The following THSD7A variants were observed in gnomAD, a reference collection of about 807,000 sequenced individuals.
The protein encoded by THSD7A is thrombospondin type-1 domain-containing protein 7A.
THSD7A carries 96 observed loss-of-function variants against 231.3 expected under a neutral mutation model. The observed-to-expected ratio is 0.41, with a 90% CI of 0.35 to 0.49. THSD7A has a LOEUF of 0.49. Among genes scored for constraint, THSD7A ranks in the 20% least tolerant of loss-of-function variants. The pLI is 0.05. For missense variants in THSD7A, 2,290 were observed against 2,070.2 expected (o/e 1.11, Z -2.06); for synonymous variants, 940 against 743.3 (o/e 1.26, Z -4.30).
intron 1 of THSD7A, among the ~76,000 whole-genome samples, chr7:11,760,792 G>A (rs1782831067): frequency 6.6e-6 from 1 of 151,750 alleles, no homozygotes; most frequent in Non-Finnish European, 1.5e-5. Context: ...AATAATTTGT[G>A]AGGTTTAAAT....
rs377687165 is a variant in THSD7A, at chr7:11,541,500, G to T, written c.1741C>A (p.Leu581Met). Residue 581 changes from leucine to methionine, a missense_variant, in exon 6 of 28, where the codon CTG becomes ATG. By Grantham distance (15) the Leu-to-Met change is conservative. Coordinates refer to ENST00000423059, the MANE Select transcript of THSD7A (RefSeq NM_015204.3). ...CCGTTATCTGGCTCGCAGTTTCCCA[G>T]TCTCACTGCTTTCCAGTCATAACAG... ...PACYDWKAVR[L>M]GNCEPDNGKE... 1.9e-6 allele frequency: 3 copies of T among 1,613,910 alleles called. No homozygotes were observed. The highest frequency in any genetic ancestry group is 2.5e-6 in the Non-Finnish European group (3 of 1,179,878).
intron 1 of THSD7A, among the ~76,000 whole-genome samples, chr7:11,686,639 C>T (rs1214089016): frequency 6.6e-6 from 1 of 151,844 alleles, no homozygotes; most frequent in African/African-American, 2.4e-5. Context: ...CACACTGTGG[C>T]ATACTACACA....
chr7:11,543,536 C>T (rs1219365433), intron 4 of THSD7A, among the ~76,000 whole-genome samples: 3 of 152,072 alleles, frequency 2.0e-5, no homozygotes, highest in Non-Finnish European at 4.4e-5. Context: ...AAAAAATGTC[C>T]ACTGAGTAGT....
Position 11,376,653 on chromosome 7 carries a change from C to A in THSD7A, c.4806G>T (p.Gly1602=). The A allele has an allele frequency of 6.4e-7, 1 of 1,572,482 alleles. No homozygotes were observed. The highest frequency in any genetic ancestry group is 2.3e-5 in the East Asian group (1 of 42,686). ...TWFLQPFGPD[G]RLKTWVYGVA... is the part of the protein sequence containing the mutation. ...CACCGTAAACCCAGGTCTTTAGTCT[C>A]CCATCTAAGAAGAATGGATATTAGT... Residue 1602 remains glycine, a synonymous_variant, in exon 27 of 28, where the codon GGG becomes GGT. Transcript: ENST00000423059.
rs150039221 is a variant in THSD7A at position 11,736,654 on chromosome 7, A to C, written c.190+95103T>G. ...TAAGGAAAACCATCATTTATGTTGA[A>C]ATGTAAAATAAAGGGCTAAGCATAC... On this transcript the variant is annotated intron_variant, in intron 1 of 27. Transcript: ENST00000423059. Among the ~76,000 whole-genome samples, 157 of 152,120 alleles carry C rather than the reference A, an allele frequency of 1.0e-3. 1 individual carries two copies. Among genetic ancestry groups the C allele is most frequent in the African/African-American group, 3.4e-3 (141 of 41,552 alleles).
At chr7:11,387,655 C>G (rs368489188) in intron 23 of THSD7A, among the ~76,000 whole-genome samples, 5 of 152,166 alleles carry the variant, frequency 3.3e-5, no homozygotes, top group African/African-American at 1.2e-4. Flanking sequence ...CATCTGCAAA[C>G]AGAGACAACT....
In THSD7A at chr7:11,761,285, G is replaced by A. The variant is rs540680617; in HGVS notation, c.190+70472C>T. Among the ~76,000 whole-genome samples the A allele has an allele frequency of 9.2e-5, 14 of 152,106 alleles. No individual in the cohort carries two copies. In the South Asian group the frequency reaches 2.9e-3, roughly 32 times the overall value. ...ATAAAAATCAATACTTCTTCTGTGG[G>A]AAAGGGAAATCCAACATCTGTTAAC... On this transcript the variant is annotated intron_variant, in intron 1 of 27. Transcript: ENST00000423059.
At chr7:11,497,097 G>A (rs911894433) in intron 6 of THSD7A, among the ~76,000 whole-genome samples, 2 of 152,166 alleles carry the variant, frequency 1.3e-5, no homozygotes, top group Non-Finnish European at 2.9e-5. Context: ...CATGGTGGAA[G>A]GGGAAGCAAA....
intron 6 of THSD7A, among the ~76,000 whole-genome samples, chr7:11,521,339 A>G (rs1788252777): frequency 6.6e-6 from 1 of 152,150 alleles, no homozygotes; most frequent in East Asian, 1.9e-4. Flanking sequence ...GTATATTTAC[A>G]AAGAACTTTG....
intron 2 of THSD7A, among the ~76,000 whole-genome samples, chr7:11,612,590 T>C (rs1255495431): frequency 2.0e-5 from 3 of 152,210 alleles, no homozygotes; most frequent in Non-Finnish European, 4.4e-5. Flanking sequence ...TAAATTCATG[T>C]ATACAAATTA....
At chr7:11,450,423 A>G (rs1470025491) in intron 11 of THSD7A, among the ~76,000 whole-genome samples, 3 of 152,048 alleles carry the variant, frequency 2.0e-5, no homozygotes, top group Non-Finnish European at 4.4e-5. Flanking sequence ...TAAATTACTC[A>G]TACAATGTTA....
At chr7:11,553,586 C>T (rs1000906555) in intron 4 of THSD7A, among the ~76,000 whole-genome samples, 1 of 152,000 alleles carries the variant, frequency 6.6e-6, no homozygotes, top group African/African-American at 2.4e-5. Context: ...CAGAGAAATA[C>T]ATATTAAACT....
At chr7:11,779,282 C>A (rs1484722093) in intron 1 of THSD7A, among the ~76,000 whole-genome samples, 1 of 152,086 alleles carries the variant, frequency 6.6e-6, no homozygotes, top group Non-Finnish European at 1.5e-5. Context: ...TTAATATTAT[C>A]TCATCTTTCT....
At chr7:11,769,132 T>TAC in intron 1 of THSD7A, among the ~76,000 whole-genome samples, 1 of 41,980 alleles carries the variant, frequency 2.4e-5, no homozygotes, top group Non-Finnish European at 5.4e-5. Context: ...AATATATATA[T>TAC]ATATATATAT....
intron 1 of THSD7A, among the ~76,000 whole-genome samples, chr7:11,734,817 G>C (rs1199346670): frequency 6.6e-6 from 1 of 151,826 alleles, no homozygotes; most frequent in Non-Finnish European, 1.5e-5. Context: ...TGAAAGCTCA[G>C]AAAAAGGGAG....
chr7:11,505,446 G>GTTT (rs200864043), intron 6 of THSD7A, among the ~76,000 whole-genome samples: 2 of 144,594 alleles, frequency 1.4e-5, no homozygotes, highest in Non-Finnish European at 1.5e-5. Flanking sequence ...CCAGTGTAAA[G>GTTT]TTTTTTTTTT....
At chr7:11,804,517 C>T (rs1038282611) in intron 1 of THSD7A, among the ~76,000 whole-genome samples, 1 of 152,144 alleles carries the variant, frequency 6.6e-6, no homozygotes, top group African/African-American at 2.4e-5. Context: ...ACTGAAATTT[C>T]AGTTGCTTGA....
In THSD7A at chr7:11,474,563, T is replaced by G. The variant is rs1197826416; in HGVS notation, c.2023A>C (p.Ile675Leu). The change falls in exon 8 of 28, where the codon ATT (isoleucine) becomes CTT (leucine). Residue 675 changes from isoleucine to leucine, a missense_variant. Ile to Leu is a conservative substitution (Grantham distance 5). Coordinates refer to ENST00000423059, the MANE Select transcript of THSD7A (RefSeq NM_015204.3). The surrounding 1 kb of genome is among the most constrained non-coding windows in gnomAD (Gnocchi z 4.1). ...AAAGCACTGCTATTTGGACAGCGAATTCCACCTAAAAACATGGACAATGAT... is the reference window on the plus strand; with the variant it reads ...AAAGCACTGCTATTTGGACAGCGAAGTCCACCTAAAAACATGGACAATGAT... Reference protein sequence around the residue: ...ILAYAGEEGGIRCPNSSALQE... With the variant: ...ILAYAGEEGGLRCPNSSALQE... 1 of 1,586,498 alleles carries G rather than the reference T, an allele frequency of 6.3e-7. No homozygotes were observed. Among genetic ancestry groups the G allele is most frequent in the South Asian group, 1.1e-5 (1 of 89,008 alleles).
chr7:11,731,444 A>G (rs541768847), intron 1 of THSD7A, among the ~76,000 whole-genome samples: 105 of 151,790 alleles, frequency 6.9e-4, no homozygotes, highest in South Asian at 1.0e-3. Flanking sequence ...TATAAGTCAT[A>G]AAATTAAGGG....
Sources: gnomAD v4.1 joint callset for allele counts (sites outside exome capture counted in the v4.1 genomes callset) on GRCh38, gnomAD v4.1.1 for gene constraint, Gnocchi (gnomAD v3.1) non-coding constraint, MANE v1.5 for transcripts, NCBI Gene and HGNC (gene_info 2026-07-23, HGNC 2026-07-21) for gene names.